Variants in SECISBP2 observed in about 807,000 individuals in gnomAD.
SECISBP2 encodes selenocysteine insertion sequence-binding protein 2.
SECISBP2 carries 96 observed loss-of-function variants against 98.2 expected under a neutral mutation model. That is an observed-to-expected ratio of 0.98 (90% CI 0.83 to 1.16). The LOEUF (loss-of-function observed/expected upper bound fraction) is 1.16, where lower values mean the gene tolerates loss of function less well. SECISBP2 is among the 50% of genes most tolerant of loss of function. SECISBP2 has a pLI of 0.00. For missense variants in SECISBP2, 1,046 were observed against 1,022.9 expected, an observed-to-expected ratio of 1.02 and a Z score of -0.31; for synonymous variants, 407 against 370.2, an observed-to-expected ratio of 1.10 and a Z score of -1.14.
intron 13 of SECISBP2, among the ~76,000 whole-genome samples, chr9:89,350,216 C>G (rs559829994): frequency 6.6e-6 from 1 of 152,148 alleles, no homozygotes; most frequent in African/African-American, 2.4e-5. Flanking sequence ...TCTTTGGGCC[C>G]CTTTTCATGG....
chr9:89,359,924 T>G (rs1832634821), downstream of SECISBP2, among the ~76,000 whole-genome samples: 1 of 152,218 alleles, frequency 6.6e-6, no homozygotes, highest in Non-Finnish European at 1.5e-5. Flanking sequence ...CACTGCTTTT[T>G]GTATTGTTTT....
chr9:89,348,287 CA>C (rs1270844385), intron 12 of SECISBP2, 73 bp downstream of exon 12: 17 of 1,560,180 alleles, frequency 1.1e-5, no homozygotes, highest in African/African-American at 6.8e-5. Flanking sequence ...CTATGCTGAG[CA>C]AACTCTCCAG....
At chr9:89,361,003 C>T (rs984757278), downstream of SECISBP2, 17 of 152,216 alleles carry the variant, frequency 1.1e-4, no homozygotes, top group African/African-American at 4.1e-4. Context: ...CATAGCATTT[C>T]ACTCATCAGT....
chr9:89,357,926 C>T, intron 15 of SECISBP2, 73 bp from the exon 16 acceptor site: 17 of 1,492,654 alleles, frequency 1.1e-5, no homozygotes, highest in Non-Finnish European at 1.6e-5. Context: ...GTGGAGGTGG[C>T]CATTGCTGAG....
chr9:89,319,058 C>A, intron 1 of SECISBP2: 1 of 1,009,624 alleles, frequency 9.9e-7, no homozygotes, highest in Non-Finnish European at 1.2e-6. Context: ...CCATAAAATT[C>A]TCGGTGAAAG....
At position 89,325,673 on chromosome 9, in the gene SECISBP2, T is replaced by A. The variant is rs71510294; in HGVS notation, c.429T>A (p.Phe143Leu). ...CPLPQEMKALFKKKTYDEKKT... is the reference protein window; with the variant it reads ...CPLPQEMKALLKKKTYDEKKT... ...TCCCACAAGAAATGAAAGCTCTGTT[T>A]AAGGTGAGTAGTGATGTTGTTTTGT... Residue 143 changes from phenylalanine (F) to leucine (L), a missense_variant, in exon 3 of 17, where the codon TTT (phenylalanine) becomes TTA (leucine). Coordinates refer to ENST00000375807, the MANE Select transcript of SECISBP2 (RefSeq NM_024077.5). 1 of 1,614,216 alleles carries A rather than the reference T, an allele frequency of 6.2e-7. No homozygotes were observed. The highest frequency in any genetic ancestry group is 1.7e-5 in the Admixed American group (1 of 60,028).
intron 5 of SECISBP2, chr9:89,332,481 T>A: frequency 4.1e-6 from 1 of 245,602 alleles, no homozygotes; most frequent in South Asian, 5.2e-5. Flanking sequence ...GTTTATCCCT[T>A]CCTCCCCTCA....
chr9:89,363,278 T>C (rs567369092), downstream of SECISBP2: 10 of 1,068,336 alleles, frequency 9.4e-6, no homozygotes, highest in Non-Finnish European at 1.2e-5. Flanking sequence ...CCCCCCCCAG[T>C]GTTGCAGATT....
At chr9:89,346,188 G>A (rs560873461) in intron 10 of SECISBP2, among the ~76,000 whole-genome samples, 2 of 152,308 alleles carry the variant, frequency 1.3e-5, no homozygotes, top group East Asian at 1.9e-4. Flanking sequence ...AGATCAAAAA[G>A]TGAGGATAAA....
chr9:89,338,430 G>A (rs1829128585), intron 7 of SECISBP2, 28 bp from the exon 8 acceptor site: 1 of 1,612,080 alleles, frequency 6.2e-7, no homozygotes, highest in East Asian at 2.2e-5. Flanking sequence ...CTAAAAACAG[G>A]ATTTTTTGCT....
chr9:89,324,943 G>A (rs1826431802), intron 2 of SECISBP2: 1 of 197,640 alleles, frequency 5.1e-6, no homozygotes. Context: ...ACGGTGCCGT[G>A]CGGTGTCTGC....
chr9:89,354,949 T>C, intron 14 of SECISBP2: 1 of 985,446 alleles, frequency 1.0e-6, no homozygotes, highest in Non-Finnish European at 1.2e-6. Context: ...ACCTCTGCCC[T>C]ATCTCCCCTT....
chr9:89,319,732 AGCATGTGTCTTCCCCAGCTCT>A lies in SECISBP2; in HGVS notation c.121_141del (p.Cys41_Ala47del). On this transcript the variant is annotated inframe_deletion, in exon 2 of 17. Transcript: ENST00000375807. The stretch of plus-strand genomic sequence containing the variant: ...ATGTGGCATGGTTAGAGTCCTCAGA[AGCATGTGTCTTCCCCAGCTCT>A]GCAGCCACATACTATCCGTTTGTTC... 1 of 1,614,196 alleles carries A rather than the reference AGCATGTGTCTTCCCCAGCTCT, an allele frequency of 6.2e-7. No individual in the cohort carries two copies. Among genetic ancestry groups the A allele is most frequent in the Non-Finnish European group, 8.5e-7 (1 of 1,180,018 alleles).
At position 89,318,585 on chromosome 9, in the gene SECISBP2, G is replaced by C; in HGVS notation, c.9G>C (p.Ser3=). ...CCTCCGCGCCTCGCGGCATGGCGTC[G>C]GAGGGGCCGCGGGAGCCCGAAAGCG... MA[S]EGPREPESEG... Residue 3 remains serine, a synonymous_variant, in exon 1 of 17, where the codon TCG becomes TCC. Coordinates refer to ENST00000375807, the MANE Select transcript of SECISBP2 (RefSeq NM_024077.5). 1 of 1,484,594 alleles carries C rather than the reference G, an allele frequency of 6.7e-7. No individual in the cohort carries two copies. The highest frequency in any genetic ancestry group is 8.9e-7 in the Non-Finnish European group (1 of 1,125,328). The allele number at this position is 1,484,594 out of a possible 1,614,324, so 92.0% of individuals were successfully genotyped here.
rs960549181 is a variant in SECISBP2, at chr9:89,321,724, A to C, written c.182+1927A>C. ...TTTTAGCTTTGGTTTATGACCAAGG[A>C]AAAGTATTCACGCCTGGCAAGAAAA... is the stretch of plus-strand genomic sequence containing the variant. On this transcript the variant is annotated intron_variant, in intron 2 of 16. Transcript: ENST00000375807. Among the ~76,000 whole-genome samples, 3 of 152,212 alleles carry C rather than the reference A, an allele frequency of 2.0e-5. No individual in the cohort carries two copies. The South Asian group carries it at 6.2e-4, about 32-fold the overall frequency.
At chr9:89,328,999 A>C in intron 5 of SECISBP2, 113 bp downstream of exon 5, 1 of 879,572 alleles carries the variant, frequency 1.1e-6, no homozygotes, top group Admixed American at 2.1e-5. Context: ...GGAGCTGGGG[A>C]GGATGTATTG....
Position 89,358,868 on chromosome 9 carries a change from T to C in SECISBP2, c.*44T>C. 5.9e-6 allele frequency: 7 copies of C among 1,181,352 alleles called. No homozygotes were observed. The highest frequency in any genetic ancestry group is 7.6e-6 in the Non-Finnish European group (6 of 790,964). The allele number at this position is 1,181,352 out of a possible 1,614,324, so 73.2% of individuals were successfully genotyped here. ...CTGTATTTTGGGTAAGGAGGGGAGG[T>C]CTGAAAAAGACTTTGGGGCTTTTTC... On this transcript the variant is annotated 3_prime_UTR_variant, in exon 17 of 17. Transcript: ENST00000375807.
intron 13 of SECISBP2, 67 bp from the exon 14 acceptor site, chr9:89,350,565 G>A: frequency 2.2e-6 from 3 of 1,376,326 alleles, no homozygotes; most frequent in South Asian, 1.2e-5. Flanking sequence ...TCCCTGGGGT[G>A]GGATGGGAGC....
chr9:89,363,951 C>T (rs761472127), downstream of SECISBP2: 1 of 1,614,084 alleles, frequency 6.2e-7, no homozygotes, highest in South Asian at 1.1e-5. Context: ...TCTGCAGGAC[C>T]TGGGGACACA....
Sources: gnomAD v4.1 joint callset for allele counts (sites outside exome capture counted in the v4.1 genomes callset) on GRCh38, gnomAD v4.1.1 for gene constraint, MANE v1.5 for transcripts, NCBI Gene and HGNC (gene_info 2026-07-23, HGNC 2026-07-21) for gene names.